TYW1B: variants seen among roughly 807,000 people sequenced by gnomAD.
The protein encoded by TYW1B is tRNA-yW synthesizing protein 1 homolog B.
A neutral mutation model predicts 86.9 loss-of-function variants in TYW1B; 73 were observed. The ratio of observed to expected loss-of-function variants is 0.84; its 90% confidence interval spans 0.70 to 1.02. TYW1B has a LOEUF of 1.02. TYW1B is among the 50% of genes least tolerant of loss of function. TYW1B has a pLI of 0.00. For synonymous variants in TYW1B, 248 were observed against 292.8 expected (o/e 0.85, Z 1.56); for missense variants, 637 against 827.4 (o/e 0.77, Z 2.82).
At chr7:72,695,261 C>A (rs1279316094) in intron 10 of TYW1B, among the ~76,000 whole-genome samples, 5 of 152,124 alleles carry the variant, frequency 3.3e-5, no homozygotes, top group Admixed American at 1.3e-4. Flanking sequence ...TTCTAAGGAA[C>A]AAGAAACAAT....
At chr7:72,578,913 T>C (rs1293098700) in intron 13 of TYW1B, among the ~76,000 whole-genome samples, 1 of 152,092 alleles carries the variant, frequency 6.6e-6, no homozygotes, top group Non-Finnish European at 1.5e-5. Context: ...CCTTTGGTGT[T>C]TCGATTTCTA....
intron 11 of TYW1B, among the ~76,000 whole-genome samples, chr7:72,694,320 T>C (rs1181754426): frequency 1.3e-5 from 2 of 152,008 alleles, no homozygotes; most frequent in East Asian, 3.9e-4. Context: ...CCATGGGGAG[T>C]CCTACAACCA....
chr7:72,817,914 G>A (rs1194691330), intron 2 of TYW1B, among the ~76,000 whole-genome samples: 1 of 151,872 alleles, frequency 6.6e-6, no homozygotes, highest in Non-Finnish European at 1.5e-5. Context: ...TAAAGAATTA[G>A]CCCACAGCCA....
intron 9 of TYW1B, among the ~76,000 whole-genome samples, chr7:72,716,081 G>A (rs1249898239): frequency 6.6e-5 from 10 of 152,084 alleles, no homozygotes; most frequent in African/African-American, 2.2e-4. Context: ...CACCGGGCTG[G>A]TGCCCACCAC....
intron 1 of TYW1B, 85 bp downstream of exon 1, chr7:72,827,987 G>C (rs1175183070): frequency 1.0e-5 from 16 of 1,593,050 alleles, no homozygotes; most frequent in East Asian, 2.3e-5. Flanking sequence ...AGGGGACCGA[G>C]GACGCCACTC....
intron 11 of TYW1B, 135 bp downstream of exon 11, chr7:72,694,552 A>G (rs1814262457): frequency 7.8e-7 from 1 of 1,282,482 alleles, no homozygotes; most frequent in South Asian, 2.2e-5. Context: ...GTTGAACGCT[A>G]TATTTCATCT....
In TYW1B at chr7:72,826,799, A is replaced by G. The variant is rs1788938949; in HGVS notation, c.135+56T>C. 5.7e-6 allele frequency: 9 copies of G among 1,578,432 alleles called. No homozygotes were observed. In the African/African-American group the frequency reaches 1.1e-4, roughly 19 times the overall value. On this transcript the variant is annotated intron_variant, in intron 2 of 13. Coordinates refer to ENST00000620995, the MANE Select transcript of TYW1B (RefSeq NM_001145440.3). ...ATTAAAGGTTCCTTTTAGTGTTTAA[A>G]TCCTCTATAAAATCTGATGCCTAAA...
At chr7:72,753,367 A>C (rs1787532632) in intron 7 of TYW1B, among the ~76,000 whole-genome samples, 2 of 152,210 alleles carry the variant, frequency 1.3e-5, no homozygotes, top group Admixed American at 1.3e-4. Flanking sequence ...AACTGAACAA[A>C]GGAAGCAGTA....
rs117597392 is a variant in TYW1B at position 72,769,141 on chromosome 7, T to C, written c.964+8275A>G. The C allele has an allele frequency of 3.3e-4, 150 of 457,808 alleles. 1 individual carries two copies. The East Asian group carries it at 8.5e-3, about 26-fold the overall frequency. 28.4% of individuals were successfully genotyped at this position (457,808 alleles called of 1,614,324 possible). ...AAGCGAGGATGCTTTCATCTCTGTG[T>C]TGCCATTCATGTGTGCTGCATTGGA... On this transcript the variant is annotated intron_variant, in intron 7 of 13. Transcript: ENST00000620995.
intron 6 of TYW1B, among the ~76,000 whole-genome samples, chr7:72,778,985 G>A (rs1788002843): frequency 6.6e-6 from 1 of 151,854 alleles, no homozygotes; most frequent in South Asian, 2.1e-4. Context: ...CTATCTTTTT[G>A]GGAATGGCAG....
intron 11 of TYW1B, among the ~76,000 whole-genome samples, chr7:72,657,923 C>A (rs1328180111): frequency 6.6e-6 from 1 of 152,162 alleles, no homozygotes; most frequent in Non-Finnish European, 1.5e-5. Flanking sequence ...GTATGCTCAA[C>A]TGTTTATAAT....
At chr7:72,594,317 A>G (rs1811475623) in intron 13 of TYW1B, among the ~76,000 whole-genome samples, 3 of 150,962 alleles carry the variant, frequency 2.0e-5, no homozygotes, top group African/African-American at 7.3e-5. Context: ...AAAATCAGAA[A>G]TGATTTTGCT....
intron 10 of TYW1B, among the ~76,000 whole-genome samples, chr7:72,704,709 A>G (rs116157995): frequency 1.3e-5 from 2 of 152,120 alleles, no homozygotes; most frequent in East Asian, 3.9e-4. Context: ...GTCTTATCTC[A>G]CATACTCGCA....
intron 2 of TYW1B, among the ~76,000 whole-genome samples, chr7:72,818,975 A>G (rs1353235489): frequency 6.6e-6 from 1 of 152,192 alleles, no homozygotes; most frequent in African/African-American, 2.4e-5. Context: ...GTGGGGACAC[A>G]GATCCAAACC....
At chr7:72,600,959 C>T (rs1333633210) in intron 13 of TYW1B, among the ~76,000 whole-genome samples, 6 of 151,908 alleles carry the variant, frequency 3.9e-5, no homozygotes, top group African/African-American at 1.5e-4. Context: ...AGTTCGAGAC[C>T]AGCCTGGCTA....
Position 72,616,951 on chromosome 7 carries a change from T to C in TYW1B, c.1618-112A>G, listed in dbSNP as rs1368848841. 2.9e-6 allele frequency: 4 copies of C among 1,395,332 alleles called. No individual in the cohort carries two copies. In the Admixed American group the frequency reaches 6.5e-5, roughly 23 times the overall value. 86.4% of individuals were successfully genotyped at this position (1,395,332 alleles called of 1,614,324 possible). On this transcript the variant is annotated intron_variant, in intron 12 of 13. Transcript: ENST00000620995. ...GTCAACCAATGCAATCCAGTCCGTA[T>C]TTTACAGTGAAGGAAGTGAATATAG...
chr7:72,769,810 G>C (rs756005889), intron 7 of TYW1B, among the ~76,000 whole-genome samples: 1 of 152,160 alleles, frequency 6.6e-6, no homozygotes, highest in Non-Finnish European at 1.5e-5. Flanking sequence ...GGTGGCTCAC[G>C]CCTATAATCC....
At chr7:72,739,953 C>T (rs1184627525) in intron 8 of TYW1B, among the ~76,000 whole-genome samples, 6 of 147,380 alleles carry the variant, frequency 4.1e-5, no homozygotes, top group African/African-American at 1.0e-4. Flanking sequence ...TGTTCCAGGC[C>T]GGGTATGGTG....
intron 11 of TYW1B, among the ~76,000 whole-genome samples, chr7:72,661,145 AAAG>A (rs1385642279): frequency 2.1e-4 from 31 of 150,520 alleles, no homozygotes; most frequent in East Asian, 1.2e-3. Context: ...CAAAAAAAAA[AAAG>A]AAGAAGAAGA....
Sources: allele counts gnomAD v4.1 joint callset (sites outside exome capture counted in the v4.1 genomes callset), GRCh38; gene constraint gnomAD v4.1.1; transcripts MANE v1.5; gene names NCBI Gene and HGNC (gene_info 2026-07-23, HGNC 2026-07-21).